Variants in AMPH observed in about 807,000 individuals in gnomAD.
AMPH encodes the protein amphiphysin (Stiff-Mann syndrome with breast cancer 128kD autoantigen).
AMPH carries 49 observed loss-of-function variants against 99.1 expected under a neutral mutation model. That is an observed-to-expected ratio of 0.49 (90% CI 0.39 to 0.63). The LOEUF (loss-of-function observed/expected upper bound fraction) is 0.63, where lower values mean the gene tolerates loss of function less well. Ranked by LOEUF, AMPH falls within the 20% of genes least tolerant of loss-of-function variation. The pLI is 0.00. For synonymous variants in AMPH, 314 were observed against 317.3 expected (o/e 0.99, Z 0.11); for missense variants, 759 against 863.4 (o/e 0.88, Z 1.52).
intron 1 of AMPH, among the ~76,000 whole-genome samples, chr7:38,558,880 A>G (rs1294340962): frequency 6.6e-6 from 1 of 152,206 alleles, no homozygotes; most frequent in Non-Finnish European, 1.5e-5. Context: ...TGGCACGTAT[A>G]TAAGAAACAG....
At chr7:38,585,406 G>C (rs1035146886) in intron 1 of AMPH, among the ~76,000 whole-genome samples, 5 of 152,140 alleles carry the variant, frequency 3.3e-5, no homozygotes, top group African/African-American at 1.2e-4. Context: ...GGGGAGTGGA[G>C]ATGCATAAAC....
chr7:38,471,571 A>T (rs1032025498), intron 7 of AMPH, among the ~76,000 whole-genome samples: 4 of 152,202 alleles, frequency 2.6e-5, no homozygotes, highest in Non-Finnish European at 5.9e-5. Flanking sequence ...AGAAACAAAA[A>T]AGACATAAGG....
At chr7:38,429,103 G>T (rs1001546389) in intron 14 of AMPH, 29 of 1,290,234 alleles carry the variant, frequency 2.2e-5, no homozygotes, top group Non-Finnish European at 2.6e-5. Flanking sequence ...TCCATCTTCT[G>T]TTTCTCTTCC....
At chr7:38,561,526 G>A (rs1349235643) in intron 1 of AMPH, among the ~76,000 whole-genome samples, 1 of 152,208 alleles carries the variant, frequency 6.6e-6, no homozygotes, top group African/African-American at 2.4e-5. Context: ...CCTGTTTAGA[G>A]AGAAGCAGAG....
At chr7:38,466,272 G>A in intron 7 of AMPH, 24 bp from the exon 8 acceptor site, 1 of 1,555,988 alleles carries the variant, frequency 6.4e-7, no homozygotes. Flanking sequence ...ACACAAAGAG[G>A]AAAGAAGAGA....
At chr7:38,513,913 T>G (rs945040270) in intron 2 of AMPH, among the ~76,000 whole-genome samples, 1 of 152,214 alleles carries the variant, frequency 6.6e-6, no homozygotes, top group Non-Finnish European at 1.5e-5. Flanking sequence ...CACATATTTC[T>G]GCCTTCTTAA....
At chr7:38,629,984 A>C (rs746189855) in intron 1 of AMPH, among the ~76,000 whole-genome samples, 3 of 152,150 alleles carry the variant, frequency 2.0e-5, no homozygotes, top group Non-Finnish European at 4.4e-5. Flanking sequence ...GGCAGCCACC[A>C]AGCCTCTGGG....
intron 1 of AMPH, among the ~76,000 whole-genome samples, chr7:38,595,705 T>C (rs867807518): frequency 6.6e-6 from 1 of 152,224 alleles, no homozygotes; most frequent in African/African-American, 2.4e-5. Context: ...TGGTAATTTT[T>C]CAACCCAAGC....
intron 1 of AMPH, among the ~76,000 whole-genome samples, chr7:38,594,927 G>A (rs1220750686): frequency 1.3e-5 from 2 of 152,086 alleles, no homozygotes; most frequent in African/African-American, 2.4e-5. Flanking sequence ...TTAGATGGAA[G>A]TAAAAAAACA....
intron 2 of AMPH, among the ~76,000 whole-genome samples, chr7:38,504,239 T>C (rs1584178948): frequency 2.0e-5 from 3 of 152,242 alleles, no homozygotes; most frequent in South Asian, 4.1e-4. Context: ...TAAAATTTCA[T>C]CTCTTTCTTT....
chr7:38,514,937 C>A (rs1408754735), intron 2 of AMPH, among the ~76,000 whole-genome samples: 1 of 152,066 alleles, frequency 6.6e-6, no homozygotes, highest in Non-Finnish European at 1.5e-5. Context: ...GAGTTTGGAG[C>A]AGGCTAAAAA....
chr7:38,532,654 T>G (rs1471700750), intron 2 of AMPH, among the ~76,000 whole-genome samples: 1 of 152,020 alleles, frequency 6.6e-6, no homozygotes, highest in African/African-American at 2.4e-5. Context: ...ATTCTGCCAA[T>G]GTAGTTGATG....
chr7:38,427,762 G>A (rs1785839019), intron 14 of AMPH: 1 of 380,250 alleles, frequency 2.6e-6, no homozygotes, highest in Admixed American at 3.2e-5. Context: ...GGATAATGAA[G>A]TAGGTGACAG....
At chr7:38,626,186 G>C (rs1274756185) in intron 1 of AMPH, among the ~76,000 whole-genome samples, 1 of 152,004 alleles carries the variant, frequency 6.6e-6, no homozygotes, top group African/African-American at 2.4e-5. Context: ...TTAAGTTCTG[G>C]GATACATGTG....
At chr7:38,630,285 T>C (rs1253050689) in intron 1 of AMPH, among the ~76,000 whole-genome samples, 2 of 152,280 alleles carry the variant, frequency 1.3e-5, no homozygotes, top group East Asian at 3.9e-4. Flanking sequence ...ATAAAGGAAA[T>C]GTCCTTTGCT....
At chr7:38,425,228 C>T (rs1430207452) in intron 15 of AMPH, among the ~76,000 whole-genome samples, 1 of 152,152 alleles carries the variant, frequency 6.6e-6, no homozygotes, top group African/African-American at 2.4e-5. Flanking sequence ...CCATGACCAA[C>T]AGGATGGAAG....
chr7:38,594,592 TG>T (rs1330250795), intron 1 of AMPH, among the ~76,000 whole-genome samples: 1 of 152,132 alleles, frequency 6.6e-6, no homozygotes, highest in African/African-American at 2.4e-5. Flanking sequence ...TACGTATGAA[TG>T]GGGTGGCATC....
At chr7:38,554,141 G>C (rs1034064282) in intron 1 of AMPH, among the ~76,000 whole-genome samples, 1 of 152,098 alleles carries the variant, frequency 6.6e-6, no homozygotes, top group Non-Finnish European at 1.5e-5. Context: ...CACATTCTGG[G>C]CATTTTCATC....
intron 3 of AMPH, among the ~76,000 whole-genome samples, chr7:38,495,829 C>T (rs1169131717): frequency 1.3e-5 from 2 of 152,148 alleles, no homozygotes; most frequent in Non-Finnish European, 2.9e-5. Context: ...ATATATGCTT[C>T]TGAGCACAAC....
Sources: allele counts gnomAD v4.1 joint callset (sites outside exome capture counted in the v4.1 genomes callset), GRCh38; gene constraint gnomAD v4.1.1; transcripts MANE v1.5; gene names NCBI Gene and HGNC (gene_info 2026-07-23, HGNC 2026-07-21).